The following PTPN14 variants were observed in gnomAD, a reference collection of about 807,000 sequenced individuals.
PTPN14 encodes tyrosine-protein phosphatase non-receptor type 14.
In PTPN14, 53 loss-of-function variants were observed where a neutral mutation model predicts 126.8. The observed-to-expected ratio is 0.42, with a 90% CI of 0.34 to 0.53. The LOEUF (loss-of-function observed/expected upper bound fraction) is 0.53, where lower values mean the gene tolerates loss of function less well. Ranked by LOEUF, PTPN14 falls within the 20% of genes least tolerant of loss-of-function variation. PTPN14 has a pLI of 0.08. For synonymous variants in PTPN14, 630 were observed against 599.3 expected, an observed-to-expected ratio of 1.05 and a Z score of -0.75; for missense variants, 1,257 against 1,552.9, an observed-to-expected ratio of 0.81 and a Z score of 3.20.
chr1:214,364,376 ACCAGGAGC>A lies in PTPN14; in HGVS notation c.3435+128_3435+135del, dbSNP rs1035921675. 1 of 1,162,476 alleles carries A rather than the reference ACCAGGAGC, an allele frequency of 8.6e-7. No individual in the cohort carries two copies. The highest frequency in any genetic ancestry group is 1.2e-6 in the Non-Finnish European group (1 of 830,922). 72.0% of individuals were successfully genotyped at this position (1,162,476 alleles called of 1,614,324 possible). On this transcript the variant is annotated intron_variant, in intron 18 of 18. Transcript: ENST00000366956. The surrounding 1 kb of genome is among the most constrained non-coding windows in gnomAD (Gnocchi z 4.1). ...TGTAAATGTCAGAGTCAAACTAGGA[ACCAGGAGC>A]CTGGAAAACTCTGGTTGGGAGACAG... is the stretch of plus-strand genomic sequence containing the variant.
chr1:214,520,812 T>C (rs550864409), intron 1 of PTPN14, among the ~76,000 whole-genome samples: 1 of 152,256 alleles, frequency 6.6e-6, no homozygotes, highest in Non-Finnish European at 1.5e-5. Context: ...TTCACTCAAA[T>C]GTTTTACTGC....
chr1:214,407,265 C>T (rs1659192178), intron 5 of PTPN14, among the ~76,000 whole-genome samples: 1 of 152,160 alleles, frequency 6.6e-6, no homozygotes, highest in African/African-American at 2.4e-5. Flanking sequence ...TGGCTCACGC[C>T]TGTAATCCCA....
chr1:214,408,907 A>G (rs1659232328), intron 5 of PTPN14, among the ~76,000 whole-genome samples: 1 of 152,206 alleles, frequency 6.6e-6, no homozygotes, highest in Non-Finnish European at 1.5e-5. Flanking sequence ...GTAGAGAGTA[A>G]ATGAGAGAGA....
chr1:214,488,951 C>T (rs549225377), intron 1 of PTPN14, among the ~76,000 whole-genome samples: 1 of 152,322 alleles, frequency 6.6e-6, no homozygotes, highest in South Asian at 2.1e-4. Context: ...GAAATTCTCT[C>T]TATCCTTCCA....
intron 1 of PTPN14, among the ~76,000 whole-genome samples, chr1:214,534,905 CA>C (rs1655664434): frequency 6.6e-6 from 1 of 152,004 alleles, no homozygotes; most frequent in Non-Finnish European, 1.5e-5. Flanking sequence ...TGTGAAGAGA[CA>C]ACCTATTCAC....
At position 214,398,012 on chromosome 1, in the gene PTPN14, C is replaced by A. The variant is rs750250366; in HGVS notation, c.670-11G>T. The A allele has an allele frequency of 2.5e-5, 39 of 1,586,524 alleles. No homozygotes were observed. Among genetic ancestry groups the A allele is most frequent in the Non-Finnish European group, 3.4e-5 (39 of 1,156,106 alleles). On this transcript the variant is annotated splice_polypyrimidine_tract_variant and intron_variant, in intron 7 of 18. Transcript: ENST00000366956. ...GTTTCCATGATTGTCCTGGGTAAGA[C>A]CAACAAAAGATACTTGTGATGACCC...
At chr1:214,389,506 G>C (rs1052110151) in intron 11 of PTPN14, among the ~76,000 whole-genome samples, 1 of 152,212 alleles carries the variant, frequency 6.6e-6, no homozygotes, top group Non-Finnish European at 1.5e-5. Context: ...TATCAGCAAG[G>C]AAGCCAAGAG....
chr1:214,421,010 T>C (rs1242619873), intron 3 of PTPN14, among the ~76,000 whole-genome samples: 1 of 152,220 alleles, frequency 6.6e-6, no homozygotes, highest in African/African-American at 2.4e-5. Context: ...CCTTCAGAAG[T>C]TAAACATACA....
rs1321263831 is a variant in PTPN14 at position 214,369,614 on chromosome 1, G to T, written c.3114C>A (p.Phe1038Leu). ...SKHSSATYGK[F>L]KVTTKFRTDS... is the part of the protein sequence containing the mutation. ...CCGTTCGAAACTTCGTGGTGACCTT[G>T]AACTTGCCATAGGTGGCTGAGCTGT... is the stretch of plus-strand genomic sequence containing the variant. Residue 1038 changes from phenylalanine to leucine, a missense_variant, in exon 17 of 19, where the codon TTC (phenylalanine) becomes TTA (leucine). By Grantham distance (22) the Phe-to-Leu change is conservative. Transcript: ENST00000366956. The T allele has an allele frequency of 6.2e-7, 1 of 1,614,186 alleles. No individual in the cohort carries two copies. The highest frequency in any genetic ancestry group is 1.7e-5 in the Admixed American group (1 of 60,024).
intron 1 of PTPN14, among the ~76,000 whole-genome samples, chr1:214,543,864 T>C (rs1655903020): frequency 6.6e-6 from 1 of 152,142 alleles, no homozygotes; most frequent in Non-Finnish European, 1.5e-5. Context: ...CATTATCCCC[T>C]TGCCTCAGCC....
At chr1:214,433,815 G>A (rs1053383845) in intron 3 of PTPN14, among the ~76,000 whole-genome samples, 16 of 152,054 alleles carry the variant, frequency 1.1e-4, no homozygotes, top group African/African-American at 2.2e-4. Context: ...AGAGCTGGGC[G>A]TGGTAGCTCA....
At chr1:214,424,054 T>C (rs1283947152) in intron 3 of PTPN14, among the ~76,000 whole-genome samples, 1 of 150,430 alleles carries the variant, frequency 6.6e-6, no homozygotes, top group Non-Finnish European at 1.5e-5. Flanking sequence ...TCCCAGCACT[T>C]TGGGAGCCTG....
At chr1:214,407,222 G>A (rs1659191061) in intron 5 of PTPN14, among the ~76,000 whole-genome samples, 3 of 152,200 alleles carry the variant, frequency 2.0e-5, no homozygotes, top group African/African-American at 7.2e-5. Context: ...TTTACTTGGA[G>A]GGAAATAAAA....
intron 1 of PTPN14, among the ~76,000 whole-genome samples, chr1:214,535,007 C>T (rs144822836): frequency 6.6e-6 from 1 of 151,704 alleles, no homozygotes; most frequent in Non-Finnish European, 1.5e-5. Context: ...CAAAACATGA[C>T]AAGTTATATA....
intron 3 of PTPN14, among the ~76,000 whole-genome samples, chr1:214,439,260 A>T (rs17732539): frequency 6.6e-6 from 1 of 152,102 alleles, no homozygotes; most frequent in African/African-American, 2.4e-5. Flanking sequence ...ATCTTTTCAC[A>T]GTTGGCCATT....
intron 1 of PTPN14, among the ~76,000 whole-genome samples, chr1:214,520,063 A>ATATATATATATATATATATATATAT (rs1173435556): frequency 1.3e-5 from 1 of 78,092 alleles, no homozygotes; most frequent in African/African-American, 7.3e-5. Context: ...AAAAAAAAAA[A>ATATATATATATATATATATATATAT]AAATATATAT....
chr1:214,551,355 A>C lies in PTPN14; in HGVS notation c.-327T>G, dbSNP rs987503916. The stretch of plus-strand genomic sequence containing the variant: ...AGGTTTCCGCCGCGATCCCGGCGCG[A>C]GAGTCCGAGCAGAGGCGCACCGGGG... On this transcript the variant is annotated 5_prime_UTR_variant, in exon 1 of 19. Coordinates refer to ENST00000366956, the MANE Select transcript of PTPN14 (RefSeq NM_005401.5). 1 of 152,646 alleles carries C rather than the reference A, an allele frequency of 6.6e-6. No individual in the cohort carries two copies. Among genetic ancestry groups the C allele is most frequent in the African/African-American group, 2.4e-5 (1 of 41,476 alleles). 9.5% of individuals were successfully genotyped at this position (152,646 alleles called of 1,614,324 possible).
chr1:214,386,109 A>G (rs1018194640), intron 12 of PTPN14, among the ~76,000 whole-genome samples: 2 of 152,212 alleles, frequency 1.3e-5, no homozygotes, highest in Non-Finnish European at 2.9e-5. Flanking sequence ...ATTTTCATAT[A>G]TAAGTTCCAT....
chr1:214,526,274 G>A lies in PTPN14; in HGVS notation c.-155+24909C>T, dbSNP rs113053366. On this transcript the variant is annotated intron_variant, in intron 1 of 18. Coordinates refer to ENST00000366956, the MANE Select transcript of PTPN14 (RefSeq NM_005401.5). ...AGCCACCACGCCCGGCCAAGCTAGA[G>A]TCACTTCTAATGGTGCCTGGGTAGC... Among the ~76,000 whole-genome samples the A allele has an allele frequency of 2.2e-3, 333 of 152,172 alleles. 3 individuals are homozygous for A. Among genetic ancestry groups the A allele is most frequent in the African/African-American group, 7.7e-3 (318 of 41,524 alleles).
Sources: gnomAD v4.1 joint callset for allele counts (sites outside exome capture counted in the v4.1 genomes callset) on GRCh38, gnomAD v4.1.1 for gene constraint, Gnocchi (gnomAD v3.1) non-coding constraint, MANE v1.5 for transcripts, NCBI Gene and HGNC (gene_info 2026-07-23, HGNC 2026-07-21) for gene names.